Variants in MACROD2 observed in about 807,000 individuals in gnomAD.
The protein encoded by MACROD2 is mono-ADP ribosylhydrolase 2.
A neutral mutation model predicts 70.4 loss-of-function variants in MACROD2; 36 were observed. The ratio of observed to expected loss-of-function variants is 0.51; its 90% CI spans 0.39 to 0.68. MACROD2 has a LOEUF of 0.68. Among genes scored for constraint, MACROD2 ranks in the 30% least tolerant of loss-of-function variants. MACROD2 has a pLI of 0.00. For synonymous variants in MACROD2, 172 were observed against 178.8 expected, an observed-to-expected ratio of 0.96 and a Z score of 0.30; for missense variants, 496 against 538.4, an observed-to-expected ratio of 0.92 and a Z score of 0.78.
chr20:14,604,251 TA>T (rs1416020062), intron 4 of MACROD2, among the ~76,000 whole-genome samples: 39 of 152,222 alleles, frequency 2.6e-4, no homozygotes, highest in African/African-American at 4.8e-5. Context: ...TTCTGCCTTC[TA>T]ACTGCCAAGC....
intron 2 of MACROD2, among the ~76,000 whole-genome samples, chr20:14,085,257 C>T (rs1317929958): frequency 2.7e-5 from 4 of 150,224 alleles, no homozygotes; most frequent in African/African-American, 9.9e-5. Context: ...TAGGTAAGTT[C>T]TTCTTACCTA....
At chr20:15,991,042 T>C (rs2066550752) in intron 15 of MACROD2, among the ~76,000 whole-genome samples, 1 of 111,052 alleles carries the variant, frequency 9.0e-6, no homozygotes, top group South Asian at 3.0e-4. Context: ...AATATAGAGG[T>C]GCCCTAGGCC....
intron 5 of MACROD2, among the ~76,000 whole-genome samples, chr20:15,039,184 A>G (rs2075336302): frequency 1.3e-5 from 2 of 152,230 alleles, no homozygotes; most frequent in Non-Finnish European, 2.9e-5. Context: ...AAGGACAGTC[A>G]CACAGAAATG....
At chr20:14,374,906 G>A (rs1046388597) in intron 3 of MACROD2, among the ~76,000 whole-genome samples, 5 of 152,126 alleles carry the variant, frequency 3.3e-5, no homozygotes, top group African/African-American at 9.7e-5. Flanking sequence ...TGGGTAGTAT[G>A]CGCTTTAAAC....
At chr20:15,498,287 G>T (rs555512858) in intron 7 of MACROD2, among the ~76,000 whole-genome samples, 68 of 151,890 alleles carry the variant, frequency 4.5e-4, no homozygotes, top group Non-Finnish European at 9.3e-4. Flanking sequence ...TTTTTTTTCT[G>T]AAGACGTACT....
chr20:15,976,474 G>A (rs2066307905), intron 13 of MACROD2, among the ~76,000 whole-genome samples: 1 of 152,214 alleles, frequency 6.6e-6, no homozygotes, highest in South Asian at 2.1e-4. Flanking sequence ...AATTCAACTA[G>A]TCCGAATGTG....
chr20:15,664,867 T>C (rs951600494), intron 8 of MACROD2, among the ~76,000 whole-genome samples: 4 of 152,020 alleles, frequency 2.6e-5, no homozygotes, highest in African/African-American at 9.7e-5. Flanking sequence ...CCACCTTCAG[T>C]GGGAGGAACC....
intron 3 of MACROD2, among the ~76,000 whole-genome samples, chr20:14,473,043 T>C (rs1328083073): frequency 6.6e-6 from 1 of 152,194 alleles, no homozygotes. Flanking sequence ...TATTTTTAAT[T>C]GACACATAGT....
intron 6 of MACROD2, among the ~76,000 whole-genome samples, chr20:15,283,584 A>G (rs930907268): frequency 1.3e-5 from 2 of 152,110 alleles, no homozygotes; most frequent in Non-Finnish European, 2.9e-5. Context: ...AGGCAGGGGA[A>G]TTGCTTGAAC....
chr20:15,752,633 GA>G (rs1340559314), intron 8 of MACROD2, among the ~76,000 whole-genome samples: 2 of 152,080 alleles, frequency 1.3e-5, no homozygotes, highest in East Asian at 3.9e-4. Context: ...CTTCTTTAGT[GA>G]AAAATCTCTG....
chr20:14,871,640 C>T (rs941875936), intron 5 of MACROD2, among the ~76,000 whole-genome samples: 7 of 152,038 alleles, frequency 4.6e-5, no homozygotes, highest in South Asian at 2.1e-4. Flanking sequence ...CAGCTAACAA[C>T]ATAATGACAG....
intron 8 of MACROD2, among the ~76,000 whole-genome samples, chr20:15,709,207 A>T (rs1010838361): frequency 6.6e-6 from 1 of 152,204 alleles, no homozygotes. Flanking sequence ...GGTGCACCGC[A>T]AAGTCGGGCT....
chr20:15,171,454 A>G (rs1335027412), intron 5 of MACROD2, among the ~76,000 whole-genome samples: 1 of 141,596 alleles, frequency 7.1e-6, no homozygotes, highest in African/African-American at 2.7e-5. Flanking sequence ...ACCTTCCCCC[A>G]TCACTCTCCT....
At chr20:15,558,725 T>A (rs1049830065) in intron 8 of MACROD2, among the ~76,000 whole-genome samples, 4 of 152,226 alleles carry the variant, frequency 2.6e-5, no homozygotes, top group African/African-American at 9.6e-5. Flanking sequence ...AAGTGTTGGT[T>A]AGGAAAGAAA....
chr20:15,796,006 G>A (rs958449294), intron 8 of MACROD2, among the ~76,000 whole-genome samples: 6 of 152,266 alleles, frequency 3.9e-5, no homozygotes, highest in South Asian at 4.2e-4. Context: ...GACACAAAAG[G>A]GGTGCTTTGA....
intron 8 of MACROD2, among the ~76,000 whole-genome samples, chr20:15,665,463 G>C (rs1456388410): frequency 6.6e-6 from 1 of 152,068 alleles, no homozygotes; most frequent in African/African-American, 2.4e-5. Flanking sequence ...GAAACCACAG[G>C]ACTGGCCATG....
At chr20:16,042,632 G>T (rs2067322599) in intron 16 of MACROD2, among the ~76,000 whole-genome samples, 1 of 152,022 alleles carries the variant, frequency 6.6e-6, no homozygotes, top group South Asian at 2.1e-4. Flanking sequence ...GTTGGAAGAA[G>T]AAACAGAAAA....
chr20:15,981,574 T>C (rs920654387), intron 13 of MACROD2, among the ~76,000 whole-genome samples: 1 of 152,146 alleles, frequency 6.6e-6, no homozygotes, highest in Non-Finnish European at 1.5e-5. Context: ...CATGAAGTGA[T>C]ATTTAGAGAC....
At chr20:15,298,600 T>G (rs1464274902) in intron 6 of MACROD2, among the ~76,000 whole-genome samples, 1 of 152,238 alleles carries the variant, frequency 6.6e-6, no homozygotes, top group Non-Finnish European at 1.5e-5. Flanking sequence ...TATGAATGAC[T>G]TTAAAAGACT....
Sources: gnomAD v4.1 joint callset for allele counts (sites outside exome capture counted in the v4.1 genomes callset) on GRCh38, gnomAD v4.1.1 for gene constraint, MANE v1.5 for transcripts, NCBI Gene and HGNC (gene_info 2026-07-23, HGNC 2026-07-21) for gene names.